ZNF654: variants seen among roughly 807,000 people sequenced by gnomAD.
ZNF654 encodes the protein zinc finger protein 654.
Under a neutral mutation model 95.3 loss-of-function variants are expected in ZNF654, and 19 were observed. The observed-to-expected ratio is 0.20, with a 90% CI of 0.14 to 0.29. ZNF654 has a LOEUF of 0.29. Ranked by LOEUF, ZNF654 falls within the 10% of genes least tolerant of loss-of-function variation. ZNF654 has a pLI of 1.00. For missense variants in ZNF654, 1,046 were observed against 1,341.0 expected, an observed-to-expected ratio of 0.78 and a Z score of 3.44; for synonymous variants, 413 against 457.9, an observed-to-expected ratio of 0.90 and a Z score of 1.25.
At chr3:88,089,713 C>A (rs1416942806) in intron 2 of ZNF654, among the ~76,000 whole-genome samples, 4 of 152,114 alleles carry the variant, frequency 2.6e-5, no homozygotes, top group African/African-American at 4.8e-5. Flanking sequence ...GAGGAAGAAA[C>A]CCCTTCTGCC....
At chr3:88,092,477 C>T (rs1703801801) in intron 2 of ZNF654, among the ~76,000 whole-genome samples, 1 of 151,982 alleles carries the variant, frequency 6.6e-6, no homozygotes, top group Non-Finnish European at 1.5e-5. Flanking sequence ...CAAAAATGTG[C>T]TGGGTGAGCT....
intron 3 of ZNF654, among the ~76,000 whole-genome samples, chr3:88,125,604 CAA>C (rs890849236): frequency 1.3e-5 from 2 of 152,036 alleles, no homozygotes; most frequent in African/African-American, 4.8e-5. Context: ...AATTATCCAA[CAA>C]AGGGAAACAG....
chr3:88,114,210 G>C (rs1705257099), intron 3 of ZNF654, among the ~76,000 whole-genome samples: 1 of 152,088 alleles, frequency 6.6e-6, no homozygotes, highest in Non-Finnish European at 1.5e-5. Context: ...AGATTCCTTA[G>C]AGAAAAATAA....
chr3:88,103,964 G>A (rs1704588092), intron 2 of ZNF654, among the ~76,000 whole-genome samples: 2 of 151,930 alleles, frequency 1.3e-5, no homozygotes, highest in Admixed American at 1.3e-4. Context: ...GTTTTGTCAT[G>A]TTGGCCCGGC....
intron 2 of ZNF654, among the ~76,000 whole-genome samples, chr3:88,100,568 C>T (rs1704352487): frequency 6.6e-6 from 1 of 152,160 alleles, no homozygotes; most frequent in Admixed American, 6.5e-5. Flanking sequence ...CTCAAATGTC[C>T]ATCAATGATA....
At chr3:88,126,321 T>G in intron 4 of ZNF654, 52 bp downstream of exon 4, 1 of 1,393,522 alleles carries the variant, frequency 7.2e-7, no homozygotes, top group Non-Finnish European at 9.4e-7. Flanking sequence ...GCAAATACAC[T>G]TTCATTTACT....
At chr3:88,121,753 C>T (rs1262075089) in intron 3 of ZNF654, among the ~76,000 whole-genome samples, 3 of 152,062 alleles carry the variant, frequency 2.0e-5, no homozygotes, top group Admixed American at 6.6e-5. Context: ...TCAAAGATTA[C>T]GTTTTTATAA....
chr3:88,126,033 A>G (rs1321293852), intron 3 of ZNF654, 101 bp from the exon 4 acceptor site: 1 of 1,193,538 alleles, frequency 8.4e-7, no homozygotes, highest in Admixed American at 3.0e-5. Context: ...ATAATTTAAT[A>G]GCTGCCTCAC....
At chr3:88,094,417 G>T (rs181935859) in intron 2 of ZNF654, among the ~76,000 whole-genome samples, 7 of 152,042 alleles carry the variant, frequency 4.6e-5, no homozygotes, top group African/African-American at 1.7e-4. Context: ...ATTACTAATT[G>T]GTATATTTCT....
chr3:88,059,766 G>C (rs1254954488), intron 1 of ZNF654, among the ~76,000 whole-genome samples: 2 of 152,102 alleles, frequency 1.3e-5, no homozygotes, highest in Non-Finnish European at 1.5e-5. Flanking sequence ...AAGGTCGGCT[G>C]TCCGGAAAGC....
At chr3:88,110,437 T>G (rs1288227509) in intron 2 of ZNF654, among the ~76,000 whole-genome samples, 1 of 152,146 alleles carries the variant, frequency 6.6e-6, no homozygotes, top group Non-Finnish European at 1.5e-5. Context: ...CCTTATATAT[T>G]GGCACTGATC....
chr3:88,100,527 A>T (rs1704349709), intron 2 of ZNF654, among the ~76,000 whole-genome samples: 1 of 152,208 alleles, frequency 6.6e-6, no homozygotes, highest in South Asian at 2.1e-4. Flanking sequence ...TTATTGCAGC[A>T]CTATTCACAA....
At chr3:88,118,575 G>A (rs937338482) in intron 3 of ZNF654, among the ~76,000 whole-genome samples, 2 of 152,028 alleles carry the variant, frequency 1.3e-5, no homozygotes, top group African/African-American at 4.8e-5. Context: ...CTCAAAACCT[G>A]GACCATGGCC....
chr3:88,122,565 G>T (rs1434351416), intron 3 of ZNF654, among the ~76,000 whole-genome samples: 4 of 152,038 alleles, frequency 2.6e-5, no homozygotes, highest in African/African-American at 9.7e-5. Flanking sequence ...CTCTACCTTT[G>T]GCCAAGACAC....
At chr3:88,075,023 G>T (rs1707722808) in intron 1 of ZNF654, among the ~76,000 whole-genome samples, 1 of 152,184 alleles carries the variant, frequency 6.6e-6, no homozygotes, top group Admixed American at 6.5e-5. Flanking sequence ...CTTCCTGAAA[G>T]TAGTATCCTA....
At chr3:88,113,409 ATTC>A (rs1705209131) in intron 3 of ZNF654, among the ~76,000 whole-genome samples, 1 of 152,164 alleles carries the variant, frequency 6.6e-6, no homozygotes, top group African/African-American at 2.4e-5. Flanking sequence ...TGGAATTCCT[ATTC>A]TACATTTGTT....
At chr3:88,087,351 A>G (rs559050991) in intron 2 of ZNF654, among the ~76,000 whole-genome samples, 3 of 152,342 alleles carry the variant, frequency 2.0e-5, no homozygotes, top group South Asian at 4.1e-4. Context: ...CTGGGATTAC[A>G]GGCGTGAGCT....
chr3:88,087,706 A>G (rs565910855), intron 2 of ZNF654, among the ~76,000 whole-genome samples: 6 of 152,336 alleles, frequency 3.9e-5, no homozygotes, highest in Non-Finnish European at 7.3e-5. Flanking sequence ...TGCAATAGAA[A>G]ATATCAGAGT....
At chr3:88,111,132 A>AT (rs1156548422) in intron 2 of ZNF654, among the ~76,000 whole-genome samples, 1 of 152,070 alleles carries the variant, frequency 6.6e-6, no homozygotes, top group Non-Finnish European at 1.5e-5. Flanking sequence ...GTGGAGGTCC[A>AT]TTAGATGTTT....
Sources: allele counts gnomAD v4.1 joint callset (sites outside exome capture counted in the v4.1 genomes callset), GRCh38; gene constraint gnomAD v4.1.1; transcripts MANE v1.5; gene names NCBI Gene and HGNC (gene_info 2026-07-23, HGNC 2026-07-21).